ZEB1: variants seen among roughly 807,000 people sequenced by gnomAD.
ZEB1 encodes the protein zinc finger E-box binding homeobox 1, also known as zinc finger E-box-binding homeobox 1.
In ZEB1, 21 loss-of-function variants were observed where a neutral mutation model predicts 84.9. The ratio of observed to expected loss-of-function variants is 0.25; its 90% CI spans 0.18 to 0.36. The LOEUF (loss-of-function observed/expected upper bound fraction) is 0.36. Among genes scored for constraint, ZEB1 ranks in the 10% least tolerant of loss-of-function variants. The pLI is 1.00. For synonymous variants in ZEB1, 420 were observed against 471.1 expected (o/e 0.89, Z 1.41); for missense variants, 1,104 against 1,330.2 (o/e 0.83, Z 2.65).
chr10:31,467,317 C>T (rs912135397), intron 2 of ZEB1, among the ~76,000 whole-genome samples: 14 of 152,180 alleles, frequency 9.2e-5, no homozygotes, highest in African/African-American at 3.4e-4. Flanking sequence ...TGCAGCAAAA[C>T]GTGACTCTGG....
At chr10:31,404,177 T>C (rs1055100775) in intron 1 of ZEB1, among the ~76,000 whole-genome samples, 2 of 152,098 alleles carry the variant, frequency 1.3e-5, no homozygotes, top group African/African-American at 4.8e-5. Flanking sequence ...TATATCAGTA[T>C]AATCCTTGCT....
rs528157883 is a variant in ZEB1 at position 31,508,489 on chromosome 10, T to G, written c.485-2184T>G. 2.0e-5 allele frequency among the ~76,000 whole-genome samples: 3 copies of G among 152,184 alleles called. No individual in the cohort carries two copies. In the East Asian group the frequency reaches 5.8e-4, roughly 29 times the overall value. On this transcript the variant is annotated intron_variant, in intron 4 of 8. Coordinates refer to ENST00000424869, the MANE Select transcript of ZEB1 (RefSeq NM_001174096.2). ...GTGGTGCATGCAGGAGGGTGCCAGC[T>G]GTAGTGATAGTAGCAGGTTGGGTGG...
intron 6 of ZEB1, among the ~76,000 whole-genome samples, chr10:31,519,069 C>A (rs1029367359): frequency 3.3e-5 from 5 of 152,136 alleles, no homozygotes; most frequent in African/African-American, 1.2e-4. Flanking sequence ...CACATCTCAT[C>A]ATTCAACAAT....
chr10:31,409,504 G>C (rs1425311676), intron 1 of ZEB1, among the ~76,000 whole-genome samples: 8 of 151,058 alleles, frequency 5.3e-5, no homozygotes, highest in Non-Finnish European at 1.2e-4. Flanking sequence ...GCTCTTTTTT[G>C]GTTCCGTATG....
intron 1 of ZEB1, among the ~76,000 whole-genome samples, chr10:31,409,446 A>G (rs2053802809): frequency 6.6e-6 from 1 of 152,192 alleles, no homozygotes; most frequent in Non-Finnish European, 1.5e-5. Context: ...AGGTAGCATG[A>G]TGCCTTCAGC....
chr10:31,432,859 T>A (rs1247289053), intron 1 of ZEB1, among the ~76,000 whole-genome samples: 1 of 152,222 alleles, frequency 6.6e-6, no homozygotes, highest in African/African-American at 2.4e-5. Flanking sequence ...AGAGTGGCAT[T>A]GTTTTACATG....
rs573716261 is a variant in ZEB1, at chr10:31,440,299, C to T, written c.59-20738C>T. 2.8e-3 allele frequency among the ~76,000 whole-genome samples: 429 copies of T among 152,206 alleles called. 2 individuals are homozygous for T. Among genetic ancestry groups the T allele is most frequent in the East Asian group, 4.2e-3 (22 of 5,178 alleles). The stretch of plus-strand genomic sequence containing the variant: ...ATCCAAGTGGTGATATCACCAAAGA[C>T]AAAAGCCACATGATTATCTCAATAG... On this transcript the variant is annotated intron_variant, in intron 1 of 8. Coordinates refer to ENST00000424869, the MANE Select transcript of ZEB1 (RefSeq NM_001174096.2).
At chr10:31,419,214 A>G (rs774629031) in intron 1 of ZEB1, among the ~76,000 whole-genome samples, 15 of 152,128 alleles carry the variant, frequency 9.9e-5, no homozygotes, top group Admixed American at 6.6e-5. Context: ...ACTTAAGTGG[A>G]GATCTGAACA....
At chr10:31,318,911 A>C, upstream of ZEB1, 1 of 413,836 alleles carries the variant, frequency 2.4e-6, no homozygotes, top group Non-Finnish European at 4.6e-6. Context: ...CAACTCCGAC[A>C]GCCCGTCGCC....
rs2033167789 is a variant in ZEB1, at chr10:31,319,594, C to G, written c.58+302C>G. The G allele has an allele frequency of 1.0e-5, 4 of 391,802 alleles. No individual in the cohort carries two copies. The South Asian group carries it at 1.9e-4, about 18-fold the overall frequency. 24.3% of individuals were successfully genotyped at this position (391,802 alleles called of 1,614,324 possible). ...TAGCCGGCGCCGACGCCGCCGCATC[C>G]CCGGCGCAGGGCGGGCGGCCGGGAC... On this transcript the variant is annotated intron_variant, in intron 1 of 8. Transcript: ENST00000424869.
Position 31,520,832 on chromosome 10 carries a change from TACAAACAG to T in ZEB1, c.1501_1508del (p.Thr501LeufsTer2). 1.2e-6 allele frequency: 2 copies of T among 1,614,094 alleles called. No homozygotes were observed. The highest frequency in any genetic ancestry group is 1.3e-5 in the African/African-American group (1 of 75,052). On this transcript the variant is annotated frameshift_variant, in exon 7 of 9. Transcript: ENST00000424869. LOFTEE classifies it high-confidence loss of function. The surrounding 1 kb of genome is among the most constrained non-coding windows in gnomAD (Gnocchi z 5.1). ...ATTTAAAAAAAGAAAATCCAGTCGC[TACAAACAG>T]TTGTAAAAGTGAAAAGTTACCAGAA...
In ZEB1 at chr10:31,375,926, G is replaced by A. The variant is rs1345921294; in HGVS notation, c.58+56634G>A. On this transcript the variant is annotated intron_variant, in intron 1 of 8. Coordinates refer to ENST00000424869, the MANE Select transcript of ZEB1 (RefSeq NM_001174096.2). Reference sequence around the variant, plus strand: ...GTTATGAAGAAGTTAAAAAGAAGGAGTTCCTGCTGATATAAGTCACGAGGA... The same window carrying A: ...GTTATGAAGAAGTTAAAAAGAAGGAATTCCTGCTGATATAAGTCACGAGGA... 2.0e-5 allele frequency among the ~76,000 whole-genome samples: 3 copies of A among 151,542 alleles called. No individual in the cohort carries two copies. In the East Asian group the frequency reaches 5.8e-4, roughly 29 times the overall value.
intron 1 of ZEB1, among the ~76,000 whole-genome samples, chr10:31,403,427 G>T (rs558125240): frequency 6.6e-6 from 1 of 151,966 alleles, no homozygotes; most frequent in African/African-American, 2.4e-5. Flanking sequence ...TCGTGTGCAT[G>T]TATGTAATGA....
rs1188088152 is a variant in ZEB1 at position 31,505,307 on chromosome 10, T to C, written c.484+2798T>C. Among the ~76,000 whole-genome samples, 3 of 152,120 alleles carry C rather than the reference T, an allele frequency of 2.0e-5. No individual in the cohort carries two copies. The East Asian group carries it at 5.8e-4, about 29-fold the overall frequency. ...TCAAGATAGTGATGGACTTATAGAA[T>C]GAAGTAGGGAGAATTCCCTCCTCTT... On this transcript the variant is annotated intron_variant, in intron 4 of 8. Coordinates refer to ENST00000424869, the MANE Select transcript of ZEB1 (RefSeq NM_001174096.2).
At position 31,461,162 on chromosome 10, in the gene ZEB1, C is replaced by T. The variant is rs1434424475; in HGVS notation, c.184C>T (p.Pro62Ser). 4 of 1,613,364 alleles carry T rather than the reference C, an allele frequency of 2.5e-6. No homozygotes were observed. In the South Asian group the frequency reaches 4.4e-5, roughly 18 times the overall value. Residue 62 changes from proline to serine, a missense_variant, in exon 2 of 9, where the codon CCA (proline) becomes TCA (serine). This residue lies in a region of ZEB1 where 162 missense variants were observed against 184.5 expected (regional missense o/e 0.88). Transcript: ENST00000424869. ...DCEGVPEDDL[P>S]TDQTVLPGRS... is the part of the protein sequence containing the mutation. ...TGAAGGTGTACCAGAGGATGACCTG[C>T]CAACAGACCAGACAGTGTTACCAGG...
At position 31,518,167 on chromosome 10, in the gene ZEB1, C is replaced by A. The variant is rs1000137698; in HGVS notation, c.794-1959C>A. On this transcript the variant is annotated intron_variant, in intron 6 of 8. Coordinates refer to ENST00000424869, the MANE Select transcript of ZEB1 (RefSeq NM_001174096.2). ...GTACTAGAGTATATTCCTTGTTTTA[C>A]CCCCACTGGAAACTTTTGTCTGTTG... is the stretch of plus-strand genomic sequence containing the variant. 2.0e-5 allele frequency among the ~76,000 whole-genome samples: 3 copies of A among 152,130 alleles called. No individual in the cohort carries two copies. The East Asian group carries it at 5.8e-4, about 29-fold the overall frequency.
chr10:31,524,399 G>C (rs887170422), intron 8 of ZEB1, among the ~76,000 whole-genome samples: 3 of 151,776 alleles, frequency 2.0e-5, no homozygotes, highest in African/African-American at 7.3e-5. Flanking sequence ...TGATATAGAC[G>C]GGTTTTGCCA....
At position 31,362,975 on chromosome 10, in the gene ZEB1, A is replaced by G. The variant is rs752400718; in HGVS notation, c.58+43683A>G. 4.7e-5 allele frequency: 72 copies of G among 1,533,838 alleles called. 1 individual carries two copies. The East Asian group carries it at 6.6e-4, about 14-fold the overall frequency. ...TGACCCACCAACAGTGCCTCAGGAG[A>G]TAGACATGGAAGCTTTGCCGGTGGG... is the stretch of plus-strand genomic sequence containing the variant. On this transcript the variant is annotated intron_variant, in intron 1 of 8. Transcript: ENST00000424869.
chr10:31,363,034 G>A (rs2043644175), intron 1 of ZEB1: 5 of 1,533,732 alleles, frequency 3.3e-6, no homozygotes, highest in Middle Eastern at 2.3e-4. Flanking sequence ...CAGTTGCAGG[G>A]GAGGGGTCGG....
Sources: allele counts gnomAD v4.1 joint callset (sites outside exome capture counted in the v4.1 genomes callset), GRCh38; gene constraint gnomAD v4.1.1; regional missense constraint gnomAD v4.1.1; non-coding constraint Gnocchi (gnomAD v3.1); transcripts MANE v1.5; gene names NCBI Gene and HGNC (gene_info 2026-07-23, HGNC 2026-07-21).